PCDHGB1: variants seen among roughly 807,000 people sequenced by gnomAD.
PCDHGB1 encodes protocadherin gamma subfamily B, 1, also known as protocadherin gamma-B1.
Under a neutral mutation model 56.6 loss-of-function variants are expected in PCDHGB1, and 34 were observed. The ratio of observed to expected loss-of-function variants is 0.60; its 90% CI spans 0.46 to 0.80. PCDHGB1 has a LOEUF of 0.80. PCDHGB1 is among the 30% of genes least tolerant of loss of function. The probability of loss-of-function intolerance (pLI) is 0.00; values close to 1 mark genes in which losing one functional copy is unlikely to be tolerated. For missense variants in PCDHGB1, 1,278 were observed against 1,204.6 expected (o/e 1.06, Z -0.90); for synonymous variants, 561 against 505.9 (o/e 1.11, Z -1.46).
chr5:141,400,590 T>A, intron 1 of PCDHGB1: 3 of 1,604,846 alleles, frequency 1.9e-6, no homozygotes, highest in Non-Finnish European at 2.6e-6. Context: ...CATGAAACTA[T>A]CGTACATTTT....
chr5:141,403,318 A>G, intron 1 of PCDHGB1: 1 of 1,613,982 alleles, frequency 6.2e-7, no homozygotes, highest in Non-Finnish European at 8.5e-7. Flanking sequence ...TAGAAATAGA[A>G]GTAACTGATA....
chr5:141,351,676 C>T lies in PCDHGB1; in HGVS notation c.1416C>T (p.Ala472=). Residue 472 remains alanine (A), a synonymous_variant, in exon 1 of 4, where the codon GCC becomes GCT. Transcript: ENST00000523390. The stretch of plus-strand genomic sequence containing the variant: ...GCGCCTCCATTGCACAAGTAAGCGC[C>T]TCCGACCCGGATTTGGGACCCAACG... ...PPGASIAQVS[A]SDPDLGPNGR... is the part of the protein sequence containing the mutation. 6.2e-7 allele frequency: 1 copy of T among 1,614,012 alleles called. No individual in the cohort carries two copies. The highest frequency in any genetic ancestry group is 8.5e-7 in the Non-Finnish European group (1 of 1,179,910).
At chr5:141,483,648 T>TTGTGTG (rs111458813) in intron 1 of PCDHGB1, among the ~76,000 whole-genome samples, 20,229 of 149,628 alleles carry the variant, frequency 0.14, 2,147 homozygotes, top group African/African-American at 0.31. Context: ...GGGTGTGTGT[T>TTGTGTG]TGTGTGTGTG....
intron 1 of PCDHGB1, among the ~76,000 whole-genome samples, chr5:141,401,057 A>G (rs1021828194): frequency 1.3e-5 from 2 of 152,170 alleles, no homozygotes; most frequent in Non-Finnish European, 2.9e-5. Flanking sequence ...AAAATACTAT[A>G]TGTTGGCTGG....
chr5:141,413,645 C>T, intron 1 of PCDHGB1: 9 of 1,613,834 alleles, frequency 5.6e-6, no homozygotes, highest in Non-Finnish European at 7.6e-6. Context: ...ATGCGTTTTC[C>T]TCTCCCGGAA....
chr5:141,394,868 C>A, intron 1 of PCDHGB1: 1 of 1,613,828 alleles, frequency 6.2e-7, no homozygotes, highest in Non-Finnish European at 8.5e-7. Flanking sequence ...TCGACCCGAA[C>A]GATTCGAGCC....
intron 1 of PCDHGB1, chr5:141,404,498 G>A (rs1237860716): frequency 6.2e-7 from 1 of 1,613,878 alleles, no homozygotes; most frequent in East Asian, 2.2e-5. Context: ...TGTGCTGTAT[G>A]CTCTGTGCTC....
chr5:141,404,545 G>A (rs763601254), intron 1 of PCDHGB1: 1 of 1,613,940 alleles, frequency 6.2e-7, no homozygotes, highest in Admixed American at 1.7e-5. Context: ...TGCAAATGCA[G>A]GTGACGGCAA....
chr5:141,381,901 C>T (rs1036292864), intron 1 of PCDHGB1, among the ~76,000 whole-genome samples: 24 of 130,248 alleles, frequency 1.8e-4, no homozygotes, highest in African/African-American at 6.8e-4. Flanking sequence ...GTGATCTCGG[C>T]TCACCACAAC....
At chr5:141,378,584 A>T (rs1775030344) in intron 1 of PCDHGB1, 1 of 152,240 alleles carries the variant, frequency 6.6e-6, no homozygotes, top group Admixed American at 6.5e-5. Flanking sequence ...CATGCTCGGT[A>T]GTGTCTGCTT....
chr5:141,494,675 C>A, intron 1 of PCDHGB1, 132 bp from the exon 2 acceptor site: 2 of 1,548,574 alleles, frequency 1.3e-6, no homozygotes, highest in South Asian at 1.2e-5. Flanking sequence ...TGAGTCCACC[C>A]CTGCCCCCTC....
intron 1 of PCDHGB1, chr5:141,415,349 A>G (rs921019257): frequency 1.2e-6 from 2 of 1,614,220 alleles, no homozygotes; most frequent in Non-Finnish European, 1.7e-6. Flanking sequence ...CGCTGGCACA[A>G]GTCACGCCTG....
At chr5:141,376,299 A>T (rs1314928354) in intron 1 of PCDHGB1, 2 of 1,614,164 alleles carry the variant, frequency 1.2e-6, no homozygotes, top group Non-Finnish European at 1.7e-6. Flanking sequence ...CCCGGCTCGC[A>T]CTTTGTGGGC....
In PCDHGB1 at chr5:141,365,423, G is replaced by A. The variant is rs182594355; in HGVS notation, c.2409+12754G>A. ...CTCTGAAGACTGTCTTCCCGGAACT[G>A]TAATCGCGCTGTTTAGCGTACATGA... On this transcript the variant is annotated intron_variant, in intron 1 of 3. Coordinates refer to ENST00000523390, the MANE Select transcript of PCDHGB1 (RefSeq NM_018922.3). 180 of 1,614,018 alleles carry A rather than the reference G, an allele frequency of 1.1e-4. No individual in the cohort carries two copies. In the East Asian group the frequency reaches 2.5e-3, roughly 23 times the overall value.
Position 141,491,324 on chromosome 5 carries a change from T to C in PCDHGB1, c.2410-3483T>C, listed in dbSNP as rs762200164. 16 of 1,614,060 alleles carry C rather than the reference T, an allele frequency of 9.9e-6. No homozygotes were observed. The highest frequency in any genetic ancestry group is 8.3e-5 in the Admixed American group (5 of 60,010). On this transcript the variant is annotated intron_variant, in intron 1 of 3. Transcript: ENST00000523390. This position sits in a 1 kb window ranked among gnomAD's most constrained non-coding sequence, Gnocchi z 6.9. ...CGTTCAGACCTTACCCTTTACCTCA[T>C]TGTGGCTCTAGCGACCGTCAGTCTC...
At chr5:141,426,507 C>G in intron 1 of PCDHGB1, 1 of 342,512 alleles carries the variant, frequency 2.9e-6, no homozygotes, top group Non-Finnish European at 5.8e-6. Context: ...AGAAACAATA[C>G]TTTACCGTGA....
intron 1 of PCDHGB1, chr5:141,394,655 G>A (rs780779279): frequency 2.7e-5 from 43 of 1,613,284 alleles, no homozygotes; most frequent in Admixed American, 5.0e-5. Flanking sequence ...CCAGCGAGCC[G>A]GGACTCTTCT....
chr5:141,395,447 G>A, intron 1 of PCDHGB1: 1 of 645,042 alleles, frequency 1.6e-6, no homozygotes, highest in Admixed American at 3.5e-5. Context: ...GGAAAAGATT[G>A]TTCAACCATT....
chr5:141,447,481 A>G lies in PCDHGB1; in HGVS notation c.2410-47326A>G, dbSNP rs141192758. 3.9e-3 allele frequency among the ~76,000 whole-genome samples: 591 copies of G among 152,326 alleles called. 6 individuals carry two copies. The highest frequency in any genetic ancestry group is 0.011 in the Admixed American group (170 of 15,286). ...TTTTCTTCACCATCTGTAAAACTGC[A>G]TAGAAGGAATGTTTAGGATAAAAGA... On this transcript the variant is annotated intron_variant, in intron 1 of 3. Transcript: ENST00000523390.
Sources: allele counts gnomAD v4.1 joint callset (sites outside exome capture counted in the v4.1 genomes callset), GRCh38; gene constraint gnomAD v4.1.1; non-coding constraint Gnocchi (gnomAD v3.1); transcripts MANE v1.5; gene names NCBI Gene and HGNC (gene_info 2026-07-23, HGNC 2026-07-21).